Variants in LRRC72 observed in about 807,000 individuals in gnomAD.
The protein encoded by LRRC72 is leucine-rich repeat-containing protein 72.
In LRRC72, 41 loss-of-function variants were observed where a neutral mutation model predicts 35.8. The ratio of observed to expected loss-of-function variants is 1.15; its 90% CI spans 0.89 to 1.49. LRRC72 has a LOEUF of 1.49. LRRC72 is among the 40% of genes most tolerant of loss of function. The pLI is 0.00. For missense variants in LRRC72, 389 were observed against 330.7 expected, an observed-to-expected ratio of 1.18 and a Z score of -1.37; for synonymous variants, 118 against 119.2, an observed-to-expected ratio of 0.99 and a Z score of 0.07.
intron 3 of LRRC72, among the ~76,000 whole-genome samples, chr7:16,542,631 T>A (rs1203030271): frequency 6.6e-6 from 1 of 152,182 alleles, no homozygotes; most frequent in Non-Finnish European, 1.5e-5. Context: ...GAGCTCCTGA[T>A]AAGCCTTTCC....
intron 7 of LRRC72, among the ~76,000 whole-genome samples, chr7:16,568,028 T>C (rs1440596391): frequency 3.3e-5 from 5 of 152,308 alleles, no homozygotes; most frequent in Middle Eastern, 3.4e-3. Flanking sequence ...AAGTATAACT[T>C]GAATATTTTC....
At chr7:16,532,937 A>C in intron 2 of LRRC72, 1 of 277,440 alleles carries the variant, frequency 3.6e-6, no homozygotes, top group Non-Finnish European at 7.1e-6. Flanking sequence ...TAGTATAAAT[A>C]TGTCCCACAT....
intron 5 of LRRC72, among the ~76,000 whole-genome samples, chr7:16,560,927 G>A (rs546514010): frequency 2.4e-4 from 37 of 151,964 alleles, no homozygotes; most frequent in African/African-American, 8.0e-4. Flanking sequence ...TATTATAGTC[G>A]CATTTAAATC....
intron 7 of LRRC72, among the ~76,000 whole-genome samples, chr7:16,577,401 A>C (rs1783060573): frequency 6.6e-6 from 1 of 152,194 alleles, no homozygotes; most frequent in South Asian, 2.1e-4. Flanking sequence ...AGAGAGATTG[A>C]ATATCTAAAT....
intron 7 of LRRC72, among the ~76,000 whole-genome samples, chr7:16,570,811 A>G (rs1782930685): frequency 6.6e-6 from 1 of 152,168 alleles, no homozygotes; most frequent in Non-Finnish European, 1.5e-5. Context: ...ACCCTCTCTC[A>G]AAACAAACAA....
chr7:16,531,909 AG>A (rs1441307288), intron 1 of LRRC72, among the ~76,000 whole-genome samples: 6 of 152,218 alleles, frequency 3.9e-5, no homozygotes, highest in Non-Finnish European at 5.9e-5. Context: ...GCAACTCATG[AG>A]AAACGAAGTC....
At position 16,531,060 on chromosome 7, in the gene LRRC72, G is replaced by A. The variant is rs570652272; in HGVS notation, c.91-1435G>A. ...AAAAATTATTCAGGTGTGGCAGCGT[G>A]CACCTGTAGTCCCAGCTACTTGGGA... is the stretch of plus-strand genomic sequence containing the variant. On this transcript the variant is annotated intron_variant, in intron 1 of 8. Coordinates refer to ENST00000401542, the MANE Select transcript of LRRC72 (RefSeq NM_001195280.2). Among the ~76,000 whole-genome samples, 5 of 151,962 alleles carry A rather than the reference G, an allele frequency of 3.3e-5. No individual in the cohort carries two copies. The South Asian group carries it at 8.3e-4, about 25-fold the overall frequency.
At chr7:16,534,845 G>T (rs1032070693) in intron 2 of LRRC72, among the ~76,000 whole-genome samples, 1 of 152,152 alleles carries the variant, frequency 6.6e-6, no homozygotes, top group Non-Finnish European at 1.5e-5. Context: ...CCTGAAATAA[G>T]CTACATATAT....
chr7:16,547,615 G>A (rs936555931), intron 3 of LRRC72, among the ~76,000 whole-genome samples: 1 of 152,210 alleles, frequency 6.6e-6, no homozygotes, highest in African/African-American at 2.4e-5. Context: ...CCTGCTGTCA[G>A]CACCCACTCC....
At chr7:16,561,270 G>T (rs1331048066) in intron 5 of LRRC72, among the ~76,000 whole-genome samples, 9 of 152,124 alleles carry the variant, frequency 5.9e-5, no homozygotes, top group Admixed American at 5.9e-4. Flanking sequence ...AATGCAAAAT[G>T]ATTTAATTTG....
At chr7:16,540,754 C>G (rs1298452210) in intron 3 of LRRC72, among the ~76,000 whole-genome samples, 4 of 152,154 alleles carry the variant, frequency 2.6e-5, no homozygotes, top group Admixed American at 2.0e-4. Context: ...CTTTCATGCT[C>G]TTTCTCACCT....
Position 16,567,543 on chromosome 7 carries a change from G to A in LRRC72, c.670G>A (p.Asp224Asn), listed in dbSNP as rs1361099371. 7.4e-6 allele frequency: 9 copies of A among 1,208,636 alleles called. No homozygotes were observed. Among genetic ancestry groups the A allele is most frequent in the Non-Finnish European group, 7.6e-6 (7 of 925,982 alleles). The allele number at this position is 1,208,636 out of a possible 1,614,324, so 74.9% of individuals were successfully genotyped here. Residue 224 changes from aspartate (D) to asparagine (N), a missense_variant and splice_region_variant, in exon 7 of 9, where the codon GAT becomes AAT. Transcript: ENST00000401542. ...KQKPAQRVPS[D>N]FAFANNVDKT... is the part of the protein sequence containing the mutation. ...AAAACCAGCCCAGAGAGTACCTTCAGGTATTTCGTAAAAAAAAAAAAAAAA... is the reference window on the plus strand; with the variant it reads ...AAAACCAGCCCAGAGAGTACCTTCAAGTATTTCGTAAAAAAAAAAAAAAAA...
At position 16,532,506 on chromosome 7, in the gene LRRC72, T is replaced by G. The variant is rs1191332803; in HGVS notation, c.102T>G (p.Asp34Glu). ...TTATATGTTATCAGGCAGTTGAAGA[T>G]CAGCTAAAGATATGTGGCCACAGGA... ...ALQSSRRAVE[D>E]QLKICGHRRD... is the part of the protein sequence containing the mutation. Residue 34 changes from aspartate (D) to glutamate (E), a missense_variant, in exon 2 of 9, where the codon GAT (aspartate) becomes GAG (glutamate). By Grantham distance (45) the Asp-to-Glu change is conservative. Transcript: ENST00000401542. 7.1e-6 allele frequency: 11 copies of G among 1,549,868 alleles called. No individual in the cohort carries two copies. The South Asian group carries it at 1.2e-4, about 17-fold the overall frequency.
chr7:16,538,448 C>T (rs1583636750), intron 3 of LRRC72, among the ~76,000 whole-genome samples: 2 of 152,336 alleles, frequency 1.3e-5, no homozygotes, highest in South Asian at 2.1e-4. Context: ...TGGCTCACCT[C>T]ACCTTTATCC....
intron 3 of LRRC72, among the ~76,000 whole-genome samples, chr7:16,538,644 A>AC (rs1782305068): frequency 6.6e-6 from 1 of 152,156 alleles, no homozygotes; most frequent in African/African-American, 2.4e-5. Flanking sequence ...CTGTGTCTCC[A>AC]CCCGAATCTC....
At chr7:16,554,625 C>T (rs1237002692) in intron 3 of LRRC72, among the ~76,000 whole-genome samples, 2 of 152,100 alleles carry the variant, frequency 1.3e-5, no homozygotes, top group Admixed American at 1.3e-4. Context: ...TCTAATTGGG[C>T]AATAACATTC....
At chr7:16,541,014 C>A (rs897189412) in intron 3 of LRRC72, among the ~76,000 whole-genome samples, 6 of 152,270 alleles carry the variant, frequency 3.9e-5, no homozygotes, top group African/African-American at 1.4e-4. Flanking sequence ...GTCTCAAGAT[C>A]ACCAAGTGTG....
chr7:16,551,846 G>A (rs1322248344), intron 3 of LRRC72, among the ~76,000 whole-genome samples: 1 of 152,178 alleles, frequency 6.6e-6, no homozygotes, highest in Non-Finnish European at 1.5e-5. Flanking sequence ...CAAGGAGGGG[G>A]TAATGGGGAC....
intron 2 of LRRC72, among the ~76,000 whole-genome samples, chr7:16,533,165 C>A (rs1782197403): frequency 6.6e-6 from 1 of 152,086 alleles, no homozygotes; most frequent in African/African-American, 2.4e-5. Context: ...TATTAGGAAT[C>A]ATTATACCAC....
Sources: gnomAD v4.1 joint callset for allele counts (sites outside exome capture counted in the v4.1 genomes callset) on GRCh38, gnomAD v4.1.1 for gene constraint, MANE v1.5 for transcripts, NCBI Gene and HGNC (gene_info 2026-07-23, HGNC 2026-07-21) for gene names.